STRN: variants seen among roughly 807,000 people sequenced by gnomAD.
STRN encodes the protein protein phosphatase 2 regulatory subunit B'''alpha.
Under a neutral mutation model 96.3 loss-of-function variants are expected in STRN, and 53 were observed. The observed-to-expected ratio is 0.55, with a 90% CI of 0.44 to 0.69. The LOEUF (loss-of-function observed/expected upper bound fraction) is 0.69, where lower values mean the gene tolerates loss of function less well. Ranked by LOEUF, STRN falls within the 30% of genes least tolerant of loss-of-function variation. STRN has a pLI of 0.00. For synonymous variants in STRN, 428 were observed against 355.9 expected (o/e 1.20, Z -2.28); for missense variants, 987 against 963.9 (o/e 1.02, Z -0.32).
chr2:36,926,390 G>A (rs774774625), intron 1 of STRN, among the ~76,000 whole-genome samples: 4 of 152,104 alleles, frequency 2.6e-5, no homozygotes, highest in Non-Finnish European at 4.4e-5. Context: ...GTACCACCAC[G>A]TCCGTCTATT....
chr2:36,875,495 G>C (rs1463281215), intron 10 of STRN, among the ~76,000 whole-genome samples: 8 of 97,200 alleles, frequency 8.2e-5, no homozygotes, highest in Non-Finnish European at 1.5e-4. Flanking sequence ...AGCAGAGTGA[G>C]ACTCTGCCTC....
intron 7 of STRN, among the ~76,000 whole-genome samples, chr2:36,887,456 G>A (rs930189118): frequency 7.3e-5 from 11 of 151,644 alleles, no homozygotes; most frequent in African/African-American, 2.4e-4. Context: ...GGCAACAGGA[G>A]CAAAACTCTG....
chr2:36,920,317 A>G (rs1670219050), intron 2 of STRN, among the ~76,000 whole-genome samples: 1 of 152,198 alleles, frequency 6.6e-6, no homozygotes, highest in African/African-American at 2.4e-5. Flanking sequence ...ATCAAGAATA[A>G]TCCCAAATCA....
At chr2:36,957,094 C>A (rs896750836) in intron 1 of STRN, among the ~76,000 whole-genome samples, 2 of 152,180 alleles carry the variant, frequency 1.3e-5, no homozygotes, top group African/African-American at 4.8e-5. Context: ...CCTTGCAGGA[C>A]TCAAGGAGCA....
chr2:36,928,307 C>G (rs746185826), intron 1 of STRN, among the ~76,000 whole-genome samples: 1 of 149,868 alleles, frequency 6.7e-6, no homozygotes, highest in Non-Finnish European at 1.5e-5. Flanking sequence ...ACATAAAAGA[C>G]GAAAACAGCA....
intron 1 of STRN, among the ~76,000 whole-genome samples, chr2:36,943,528 G>C (rs1676763686): frequency 6.6e-6 from 1 of 152,104 alleles, no homozygotes; most frequent in South Asian, 2.1e-4. Flanking sequence ...AAATAGGCCA[G>C]GCACAGTGGC....
chr2:36,853,084 G>A (rs1367661620), intron 15 of STRN, among the ~76,000 whole-genome samples: 1 of 152,134 alleles, frequency 6.6e-6, no homozygotes, highest in African/African-American at 2.4e-5. Context: ...TTGAGCCCAG[G>A]AGGTGGAGGT....
rs1391141301 is a variant in STRN at position 36,867,876 on chromosome 2, G to A, written c.1500-15C>T. Reference sequence around the variant, plus strand: ...GAGAAGTGCTCCTAAATCAGAGAGAGATGACTTTACCATTCTAAGTGTCAG... The same window carrying A: ...GAGAAGTGCTCCTAAATCAGAGAGAAATGACTTTACCATTCTAAGTGTCAG... On this transcript the variant is annotated splice_polypyrimidine_tract_variant and intron_variant, in intron 11 of 17. Transcript: ENST00000263918. The A allele has an allele frequency of 2.0e-5, 31 of 1,580,978 alleles. No individual in the cohort carries two copies. Among genetic ancestry groups the A allele is most frequent in the Non-Finnish European group, 2.7e-5 (31 of 1,166,352 alleles).
At chr2:36,927,419 G>C (rs1277395303) in intron 1 of STRN, among the ~76,000 whole-genome samples, 1 of 149,512 alleles carries the variant, frequency 6.7e-6, no homozygotes, top group Non-Finnish European at 1.5e-5. Context: ...TGAGGCAGGA[G>C]AATCACCTCA....
rs1668109262 is a variant in STRN, at chr2:36,847,472, A to C, written c.*1984T>G. The C allele has an allele frequency of 6.6e-6, 1 of 152,150 alleles. No individual in the cohort carries two copies. Among genetic ancestry groups the C allele is most frequent in the African/African-American group, 2.4e-5 (1 of 41,432 alleles). 9.4% of individuals were successfully genotyped at this position (152,150 alleles called of 1,614,324 possible). A position where few individuals can be genotyped will look rare whatever the true frequency, so the allele number is the denominator to read the frequency against. On this transcript the variant is annotated 3_prime_UTR_variant, in exon 18 of 18. Transcript: ENST00000263918. ...TCTTTCTTCACTGTGAAGAACCAAA[A>C]GAAATTTACTGAACACAATATGGAA...
intron 1 of STRN, among the ~76,000 whole-genome samples, chr2:36,950,111 G>C (rs2148266485): frequency 6.6e-6 from 1 of 151,996 alleles, no homozygotes; most frequent in East Asian, 1.9e-4. Flanking sequence ...GAGAAATTCA[G>C]AGTAAAATGA....
intron 1 of STRN, among the ~76,000 whole-genome samples, chr2:36,940,620 G>T (rs375204416): frequency 1.3e-5 from 2 of 152,008 alleles, no homozygotes; most frequent in South Asian, 2.1e-4. Context: ...GAGGTCAGGA[G>T]ATCAAGACCA....
rs532591729 is a variant in STRN at position 36,838,936 on chromosome 2, A to G, written c.*10520T>C. On this transcript the variant is annotated 3_prime_UTR_variant, in exon 18 of 18. Coordinates refer to ENST00000263918, the MANE Select transcript of STRN (RefSeq NM_003162.4). ...TATCTTCTCATTAACGTTAGACTGT[A>G]TATGTTTACTGATAAATTTGAGAGA... 2.0e-5 allele frequency among the ~76,000 whole-genome samples: 3 copies of G among 152,326 alleles called. No individual in the cohort carries two copies. Among genetic ancestry groups the G allele is most frequent in the South Asian group, 2.1e-4 (1 of 4,830 alleles).
At chr2:36,955,658 C>T (rs1664869288) in intron 1 of STRN, among the ~76,000 whole-genome samples, 1 of 152,134 alleles carries the variant, frequency 6.6e-6, no homozygotes, top group African/African-American at 2.4e-5. Flanking sequence ...TCGATTACTA[C>T]GTCCAGTCCT....
At chr2:36,896,569 A>G (rs1265416568) in intron 6 of STRN, among the ~76,000 whole-genome samples, 1 of 152,194 alleles carries the variant, frequency 6.6e-6, no homozygotes, top group African/African-American at 2.4e-5. Context: ...AAAACCAAAG[A>G]AGTTATGGGT....
At chr2:36,899,151 G>T (rs771159462) in intron 6 of STRN, among the ~76,000 whole-genome samples, 1 of 152,142 alleles carries the variant, frequency 6.6e-6, no homozygotes, top group Non-Finnish European at 1.5e-5. Flanking sequence ...GACAAAAACT[G>T]CATATATTAG....
At chr2:36,914,010 G>A (rs937949113) in intron 3 of STRN, among the ~76,000 whole-genome samples, 1 of 151,940 alleles carries the variant, frequency 6.6e-6, no homozygotes, top group African/African-American at 2.4e-5. Context: ...TAAGAGACAG[G>A]ATCTCACTCT....
At chr2:36,952,474 A>G (rs1664777243) in intron 1 of STRN, among the ~76,000 whole-genome samples, 1 of 151,844 alleles carries the variant, frequency 6.6e-6, no homozygotes, top group Admixed American at 6.6e-5. Context: ...AAAAGCCAAA[A>G]TATTTGCTTC....
In STRN at chr2:36,902,137, T is replaced by C. The variant is rs916294322; in HGVS notation, c.659+447A>G. Among the ~76,000 whole-genome samples, 3 of 152,202 alleles carry C rather than the reference T, an allele frequency of 2.0e-5. No homozygotes were observed. In the South Asian group the frequency reaches 6.2e-4, roughly 31 times the overall value. ...TCACACTTACGCTGTCACTTCAAAA[T>C]AGCTACTTAAAATAGATATTTTATA... On this transcript the variant is annotated intron_variant, in intron 5 of 17. Coordinates refer to ENST00000263918, the MANE Select transcript of STRN (RefSeq NM_003162.4).
Sources: gnomAD v4.1 joint callset for allele counts (sites outside exome capture counted in the v4.1 genomes callset) on GRCh38, gnomAD v4.1.1 for gene constraint, MANE v1.5 for transcripts, NCBI Gene and HGNC (gene_info 2026-07-23, HGNC 2026-07-21) for gene names.